The following ALMS1 variants were observed in gnomAD, a reference collection of about 807,000 sequenced individuals.
ALMS1 encodes the protein centrosome-associated protein ALMS1.
In ALMS1, 271 loss-of-function variants were observed where a neutral mutation model predicts 352.2. The ratio of observed to expected loss-of-function variants is 0.77; its 90% CI spans 0.70 to 0.85. The LOEUF (loss-of-function observed/expected upper bound fraction) is 0.85. Among genes scored for constraint, ALMS1 ranks in the 40% least tolerant of loss-of-function variants. ALMS1 has a pLI of 0.00. For missense variants in ALMS1, 5,445 were observed against 4,870.7 expected, an observed-to-expected ratio of 1.12 and a Z score of -3.51; for synonymous variants, 1,865 against 1,761.2, an observed-to-expected ratio of 1.06 and a Z score of -1.48.
At chr2:73,581,771 C>T (rs1397670632) in intron 16 of ALMS1, among the ~76,000 whole-genome samples, 7 of 148,748 alleles carry the variant, frequency 4.7e-5, no homozygotes, top group Non-Finnish European at 1.0e-4. Context: ...TTTTTTGAGA[C>T]GTAGTCTCTA....
In ALMS1 at chr2:73,508,313, C is replaced by T. The variant is rs544360093; in HGVS notation, c.9540-11462C>T. 6.6e-5 allele frequency among the ~76,000 whole-genome samples: 10 copies of T among 151,606 alleles called. No homozygotes were observed. In the Middle Eastern group the frequency reaches 0.014, roughly 206 times the overall value. On this transcript the variant is annotated intron_variant, in intron 10 of 22. Coordinates refer to ENST00000613296, the MANE Select transcript of ALMS1 (RefSeq NM_001378454.1). ...TGCCTCCTGGGTTCACGCCATTCTC[C>T]TGCCTCTGCCTCCCAAGTAGCTGGG... is the stretch of plus-strand genomic sequence containing the variant.
intron 17 of ALMS1, 61 bp from the exon 18 acceptor site, chr2:73,600,617 A>G: frequency 3.4e-6 from 5 of 1,490,708 alleles, no homozygotes; most frequent in Non-Finnish European, 4.6e-6. Flanking sequence ...ACTCACTTGA[A>G]TAAATCTGTC....
At chr2:73,549,837 G>T (rs1392983144) in intron 12 of ALMS1, among the ~76,000 whole-genome samples, 3 of 152,044 alleles carry the variant, frequency 2.0e-5, no homozygotes, top group Non-Finnish European at 2.9e-5. Flanking sequence ...TTGTAGTGTA[G>T]TGTTTTTTTG....
Position 73,491,174 on chromosome 2 carries a change from A to C in ALMS1, c.9215A>C (p.Asp3072Ala). The C allele has an allele frequency of 6.2e-7, 1 of 1,614,206 alleles. No individual in the cohort carries two copies. Among genetic ancestry groups the C allele is most frequent in the East Asian group, 2.2e-5 (1 of 44,886 alleles). ...TTAGATGAAAGATTCCATTCATTGG[A>C]TGCTGCTTCTAAAGCGAGGATGAAT... ...GTLDERFHSL[D>A]AASKARMNSE... Residue 3072 changes from aspartate (D) to alanine (A), a missense_variant, in exon 10 of 23, where the codon GAT (aspartate) becomes GCT (alanine). Physicochemically the swap from Asp to Ala is moderately radical, Grantham distance 126. Coordinates refer to ENST00000613296, the MANE Select transcript of ALMS1 (RefSeq NM_001378454.1).
chr2:73,551,423 A>ACCTTTT (rs1558691064), intron 13 of ALMS1, among the ~76,000 whole-genome samples: 1 of 112,436 alleles, frequency 8.9e-6, no homozygotes, highest in African/African-American at 3.5e-5. Context: ...TTGAGTTTCA[A>ACCTTTT]TCTTTTTTTT....
At chr2:73,539,569 A>C (rs927207069) in intron 12 of ALMS1, among the ~76,000 whole-genome samples, 4 of 152,176 alleles carry the variant, frequency 2.6e-5, no homozygotes, top group East Asian at 3.8e-4. Flanking sequence ...AGATGATCAA[A>C]CTACTCCGAG....
At position 73,602,189 on chromosome 2, in the gene ALMS1, C is replaced by T. The variant is rs763327026; in HGVS notation, c.12119C>T (p.Ser4040Leu). Residue 4040 changes from serine to leucine, a missense_variant, in exon 20 of 23, where the codon TCG becomes TTG. Physicochemically the swap from Ser to Leu is moderately radical, Grantham distance 145 (BLOSUM62 -2). Coordinates refer to ENST00000613296, the MANE Select transcript of ALMS1 (RefSeq NM_001378454.1). ...RPFVRATLQE[S>L]LQFHRPDFIS... The stretch of plus-strand genomic sequence containing the variant: ...TCTCTTTTTTTTTTCTTTTAGGAAT[C>T]GCTTCAGTTTCACAGACCTGACTTC... 1.7e-5 allele frequency: 28 copies of T among 1,613,446 alleles called. No homozygotes were observed. The Admixed American group carries it at 3.2e-4, about 18-fold the overall frequency.
chr2:73,544,412 G>A (rs1201764704), intron 12 of ALMS1, among the ~76,000 whole-genome samples: 2 of 152,106 alleles, frequency 1.3e-5, no homozygotes, highest in African/African-American at 4.8e-5. Flanking sequence ...TATACCTAAT[G>A]TTAAATGACG....
chr2:73,500,926 C>G (rs544452982), intron 10 of ALMS1, among the ~76,000 whole-genome samples: 2 of 152,252 alleles, frequency 1.3e-5, no homozygotes, highest in South Asian at 4.1e-4. Context: ...GAACTGGAAC[C>G]ACTTCTACTG....
intron 9 of ALMS1, among the ~76,000 whole-genome samples, chr2:73,456,117 C>T (rs997762319): frequency 6.6e-6 from 1 of 152,104 alleles, no homozygotes; most frequent in Non-Finnish European, 1.5e-5. Flanking sequence ...AGAAATAGAA[C>T]ATTACCAAAT....
chr2:73,424,918 C>G lies in ALMS1; in HGVS notation c.1237+16C>G. The G allele has an allele frequency of 1.9e-6, 3 of 1,568,988 alleles. No homozygotes were observed. The highest frequency in any genetic ancestry group is 2.6e-6 in the Non-Finnish European group (3 of 1,151,390). Reference sequence around the variant, plus strand: ...TATTTAACCAGTAAGTACCCTGATTCTTTTTCAGATTCATCTGACACAATT... The same window carrying G: ...TATTTAACCAGTAAGTACCCTGATTGTTTTTCAGATTCATCTGACACAATT... On this transcript the variant is annotated intron_variant, in intron 5 of 22. Transcript: ENST00000613296.
intron 12 of ALMS1, among the ~76,000 whole-genome samples, chr2:73,545,172 T>C (rs1674286396): frequency 6.6e-6 from 1 of 151,500 alleles, no homozygotes. Context: ...AAATGATTAA[T>C]TTTTTGTGGT....
rs1241676812 is a variant in ALMS1 at position 73,602,353 on chromosome 2, C to T, written c.12283C>T (p.Pro4095Ser). ...GCAGGGCCACCAGAATCGCATGTGCCCGCTGCCCAAGAGAGGTACGCCCTG... is the reference window on the plus strand; with the variant it reads ...GCAGGGCCACCAGAATCGCATGTGCTCGCTGCCCAAGAGAGGTACGCCCTG... ...ERQGHQNRMC[P>S]LPKRVFLAIQ... The change falls in exon 20 of 23, where the codon CCG becomes TCG. Residue 4095 changes from proline to serine, a missense_variant. By Grantham distance (74) the Pro-to-Ser change is moderately conservative (BLOSUM62 -1). Coordinates refer to ENST00000613296, the MANE Select transcript of ALMS1 (RefSeq NM_001378454.1). 6.2e-7 allele frequency: 1 copy of T among 1,614,164 alleles called. No homozygotes were observed. Among genetic ancestry groups the T allele is most frequent in the Non-Finnish European group, 8.5e-7 (1 of 1,180,012 alleles).
chr2:73,497,364 T>C (rs1673130925), intron 10 of ALMS1, among the ~76,000 whole-genome samples: 1 of 152,146 alleles, frequency 6.6e-6, no homozygotes, highest in South Asian at 2.1e-4. Flanking sequence ...AGTTCTTTAG[T>C]GGTGATTTCT....
intron 16 of ALMS1, among the ~76,000 whole-genome samples, chr2:73,574,913 A>G (rs1408231014): frequency 1.3e-5 from 2 of 152,206 alleles, no homozygotes; most frequent in African/African-American, 4.8e-5. Flanking sequence ...CCCATTAAGC[A>G]GTGACTCTCT....
At chr2:73,588,882 C>T (rs983671680) in intron 16 of ALMS1, among the ~76,000 whole-genome samples, 3 of 151,894 alleles carry the variant, frequency 2.0e-5, no homozygotes, top group Non-Finnish European at 2.9e-5. Flanking sequence ...TGCCTATATA[C>T]GAAGAGAAAT....
Position 73,563,735 on chromosome 2 carries a change from A to AT in ALMS1, c.10384+4593_10384+4594insT, listed in dbSNP as rs1304322804. Among the ~76,000 whole-genome samples, 69 of 134,536 alleles carry AT rather than the reference A, an allele frequency of 5.1e-4. 1 individual carries two copies. Among genetic ancestry groups the AT allele is most frequent in the African/African-American group, 1.5e-3 (54 of 34,998 alleles). The allele number at this position is 134,536 out of a possible 152,430, so 88.3% of individuals were successfully genotyped here. Reference sequence around the variant, plus strand: ...GAGACTCCATCTCAAAAAAAAAAAAAAAAAATAAAAATAAAAAATGAAGGT... The same window carrying AT: ...GAGACTCCATCTCAAAAAAAAAAAAATAAAAATAAAAATAAAAAATGAAGGT... On this transcript the variant is annotated intron_variant, in intron 15 of 22. Coordinates refer to ENST00000613296, the MANE Select transcript of ALMS1 (RefSeq NM_001378454.1).
At chr2:73,487,055 G>A (rs1353733112) in intron 9 of ALMS1, among the ~76,000 whole-genome samples, 1 of 152,078 alleles carries the variant, frequency 6.6e-6, no homozygotes, top group Non-Finnish European at 1.5e-5. Context: ...CTTAAACAAA[G>A]AAGAAGAGAA....
rs1670510807 is a variant in ALMS1, at chr2:73,385,934, GGAGGAGGAA to G, written c.75_83del (p.Glu26_Glu28del). 1 of 1,099,466 alleles carries G rather than the reference GGAGGAGGAA, an allele frequency of 9.1e-7. No homozygotes were observed. Among genetic ancestry groups the G allele is most frequent in the Non-Finnish European group, 1.3e-6 (1 of 741,058 alleles). The allele number at this position is 1,099,466 out of a possible 1,614,324, so 68.1% of individuals were successfully genotyped here. A position where few individuals can be genotyped will look rare whatever the true frequency, so the allele number is the denominator to read the frequency against. On this transcript the variant is annotated inframe_deletion, in exon 1 of 23. Coordinates refer to ENST00000613296, the MANE Select transcript of ALMS1 (RefSeq NM_001378454.1). ...AGGAGGAGGAGGAGGAGGAGGAGGAGGAGGAGGAAGAGGAGGAGGCTGCAGCGGCGGCGG... is the reference window on the plus strand; with the variant it reads ...AGGAGGAGGAGGAGGAGGAGGAGGAGGAGGAGGAGGCTGCAGCGGCGGCGG...
Sources: gnomAD v4.1 joint callset for allele counts (sites outside exome capture counted in the v4.1 genomes callset) on GRCh38, gnomAD v4.1.1 for gene constraint, MANE v1.5 for transcripts, NCBI Gene and HGNC (gene_info 2026-07-23, HGNC 2026-07-21) for gene names.